USH2A: variants seen among roughly 807,000 people sequenced by gnomAD.
USH2A encodes Usher syndrome 2A (autosomal recessive, mild).
Under a neutral mutation model 538.9 loss-of-function variants are expected in USH2A, and 443 were observed. The observed-to-expected ratio is 0.82, with a 90% confidence interval of 0.76 to 0.89. USH2A has a LOEUF of 0.89. USH2A is among the 40% of genes least tolerant of loss of function. USH2A has a pLI of 0.00. For synonymous variants in USH2A, 2,413 were observed against 2,273.5 expected (o/e 1.06, Z -1.75); for missense variants, 6,633 against 6,324.8 (o/e 1.05, Z -1.65).
At chr1:216,108,201 AT>A (rs775682622) in intron 21 of USH2A, among the ~76,000 whole-genome samples, 14 of 151,846 alleles carry the variant, frequency 9.2e-5, no homozygotes, top group Non-Finnish European at 1.8e-4. Flanking sequence ...TAATCTAAAA[AT>A]GTCTTTCAAA....
intron 11 of USH2A, among the ~76,000 whole-genome samples, chr1:216,270,708 CA>C (rs1276532961): frequency 4.6e-5 from 3 of 65,128 alleles, no homozygotes; most frequent in African/African-American, 7.9e-5. Context: ...TCATTCATTC[CA>C]ATTTTTTTTT....
At chr1:216,328,363 T>C (rs1378052347) in intron 4 of USH2A, among the ~76,000 whole-genome samples, 7 of 152,110 alleles carry the variant, frequency 4.6e-5, no homozygotes, top group Non-Finnish European at 1.0e-4. Flanking sequence ...TTTTATTTGT[T>C]TGGCAAATAT....
At chr1:215,649,867 A>G (rs1159775727) in intron 65 of USH2A, among the ~76,000 whole-genome samples, 1 of 152,206 alleles carries the variant, frequency 6.6e-6, no homozygotes, top group Admixed American at 6.5e-5. Flanking sequence ...CACAGAGACA[A>G]GAGTCTTCAT....
intron 21 of USH2A, among the ~76,000 whole-genome samples, chr1:216,114,404 C>A (rs1480762147): frequency 6.6e-6 from 1 of 151,978 alleles, no homozygotes; most frequent in African/African-American, 2.4e-5. Flanking sequence ...AGGTGATAAG[C>A]ATTATTCATT....
chr1:216,352,196 G>A (rs1000040532), intron 4 of USH2A, among the ~76,000 whole-genome samples: 31 of 152,042 alleles, frequency 2.0e-4, no homozygotes, highest in African/African-American at 7.2e-4. Context: ...CTTTAAGGGA[G>A]TGAGTGTCTG....
chr1:215,726,828 CTT>C (rs1393465173), intron 61 of USH2A, among the ~76,000 whole-genome samples: 4 of 152,180 alleles, frequency 2.6e-5, no homozygotes, highest in East Asian at 1.9e-4. Flanking sequence ...GTTACTCTCT[CTT>C]GTACTGTGGT....
chr1:215,847,895 A>G (rs1362412097), intron 44 of USH2A, among the ~76,000 whole-genome samples: 1 of 152,110 alleles, frequency 6.6e-6, no homozygotes, highest in African/African-American at 2.4e-5. Flanking sequence ...TAAATACACT[A>G]CTGCTTTCAC....
intron 60 of USH2A, among the ~76,000 whole-genome samples, chr1:215,736,677 T>C (rs1185084309): frequency 2.6e-5 from 4 of 151,948 alleles, no homozygotes; most frequent in African/African-American, 9.7e-5. Flanking sequence ...TAGAAAAAAT[T>C]AGTCTAAGAA....
intron 21 of USH2A, among the ~76,000 whole-genome samples, chr1:216,135,445 C>G (rs1006858015): frequency 1.1e-4 from 16 of 151,968 alleles, no homozygotes; most frequent in African/African-American, 3.9e-4. Flanking sequence ...TCCTATTTCT[C>G]TATCTATATA....
chr1:216,145,377 G>C (rs1384449318), intron 21 of USH2A, among the ~76,000 whole-genome samples: 1 of 152,180 alleles, frequency 6.6e-6, no homozygotes, highest in Admixed American at 6.5e-5. Context: ...AGAAGGGGTA[G>C]TCATGTGCTA....
intron 50 of USH2A, among the ~76,000 whole-genome samples, chr1:215,791,459 T>A (rs1661979097): frequency 6.6e-6 from 1 of 152,176 alleles, no homozygotes; most frequent in African/African-American, 2.4e-5. Flanking sequence ...AAGTAGACAT[T>A]GGTTTGGCAC....
chr1:215,774,579 G>A (rs1382562760), intron 55 of USH2A, among the ~76,000 whole-genome samples: 2 of 151,986 alleles, frequency 1.3e-5, no homozygotes, highest in Non-Finnish European at 2.9e-5. Context: ...CAAGTTCAGT[G>A]TTATGCTAGA....
chr1:216,215,854 T>A (rs2035332559), intron 15 of USH2A, among the ~76,000 whole-genome samples: 1 of 152,014 alleles, frequency 6.6e-6, no homozygotes, highest in Non-Finnish European at 1.5e-5. Flanking sequence ...TAATAAAACA[T>A]AAAATTAAAT....
intron 9 of USH2A, among the ~76,000 whole-genome samples, chr1:216,305,884 T>A (rs1309134001): frequency 6.6e-5 from 10 of 152,200 alleles, no homozygotes; most frequent in Non-Finnish European, 1.3e-4. Flanking sequence ...AATCTGCTGT[T>A]AATCTGACAG....
chr1:216,233,675 C>T (rs1293198539), intron 13 of USH2A, among the ~76,000 whole-genome samples: 3 of 152,042 alleles, frequency 2.0e-5, no homozygotes, highest in Non-Finnish European at 2.9e-5. Flanking sequence ...ACCTCTAAAA[C>T]TCATATTTTT....
intron 61 of USH2A, among the ~76,000 whole-genome samples, chr1:215,685,386 T>C (rs982311222): frequency 6.6e-6 from 1 of 150,776 alleles, no homozygotes; most frequent in Non-Finnish European, 1.5e-5. Flanking sequence ...TTCACTCTCG[T>C]CGCCCAGGCT....
intron 52 of USH2A, among the ~76,000 whole-genome samples, chr1:215,784,836 G>A (rs898876866): frequency 2.0e-5 from 3 of 152,222 alleles, no homozygotes; most frequent in Admixed American, 2.0e-4. Flanking sequence ...TATATCAGTA[G>A]GTGGAAACAT....
intron 49 of USH2A, among the ~76,000 whole-genome samples, chr1:215,801,585 C>T (rs952142710): frequency 7.9e-5 from 12 of 151,724 alleles, no homozygotes; most frequent in African/African-American, 2.4e-4. Flanking sequence ...ACCAAGAAAG[C>T]GAAAGACTGA....
intron 25 of USH2A, among the ~76,000 whole-genome samples, chr1:216,084,124 C>T (rs568198176): frequency 6.6e-6 from 1 of 152,138 alleles, no homozygotes; most frequent in East Asian, 1.9e-4. Flanking sequence ...AGTCTCTGCT[C>T]TGATCAGGCA....
Sources: gnomAD v4.1 joint callset for allele counts (sites outside exome capture counted in the v4.1 genomes callset) on GRCh38, gnomAD v4.1.1 for gene constraint, MANE v1.5 for transcripts, NCBI Gene and HGNC (gene_info 2026-07-23, HGNC 2026-07-21) for gene names.